Variants in SCN8A observed in about 807,000 individuals in gnomAD.
SCN8A encodes the protein sodium voltage-gated channel alpha subunit 8.
In SCN8A, 30 loss-of-function variants were observed where a neutral mutation model predicts 184.1. The observed-to-expected ratio is 0.16, with a 90% CI of 0.12 to 0.22. SCN8A has a LOEUF of 0.22. Among genes scored for constraint, SCN8A ranks in the 10% least tolerant of loss-of-function variants. The probability of loss-of-function intolerance (pLI) is 1.00; values close to 1 mark genes in which losing one functional copy is unlikely to be tolerated. For synonymous variants in SCN8A, 852 were observed against 907.0 expected, an observed-to-expected ratio of 0.94 and a Z score of 1.09; for missense variants, 1,057 against 2,498.9, an observed-to-expected ratio of 0.42 and a Z score of 12.30.
In SCN8A at chr12:51,621,123, C is replaced by CAGAT. The variant is rs370356575; in HGVS notation, c.-55+29766_-55+29767insATAG. ...CAGGTATTTATCCTTGGTCTCTCCT[C>CAGAT]AGCTGCTTTATAGAGTAATGCAGTA... On this transcript the variant is annotated intron_variant, in intron 1 of 26. Transcript: ENST00000627620. Among the ~76,000 whole-genome samples, 121 of 152,314 alleles carry CAGAT rather than the reference C, an allele frequency of 7.9e-4. 1 individual carries two copies. The highest frequency in any genetic ancestry group is 2.4e-3 in the African/African-American group (100 of 41,580).
At chr12:51,658,462 G>A (rs1940865868) in intron 1 of SCN8A, among the ~76,000 whole-genome samples, 1 of 152,024 alleles carries the variant, frequency 6.6e-6, no homozygotes, top group Non-Finnish European at 1.5e-5. Context: ...CGTTGATTCT[G>A]TACCCTGCAT....
intron 16 of SCN8A, among the ~76,000 whole-genome samples, chr12:51,767,833 A>G (rs867004325): frequency 2.0e-5 from 3 of 152,274 alleles, no homozygotes; most frequent in South Asian, 4.1e-4. Context: ...TCCCCTCTGT[A>G]TGTAGTTAGT....
intron 11 of SCN8A, among the ~76,000 whole-genome samples, chr12:51,714,667 C>A (rs988595933): frequency 6.6e-6 from 1 of 152,146 alleles, no homozygotes; most frequent in Non-Finnish European, 1.5e-5. Flanking sequence ...GGAAATAGAA[C>A]ATGTAAAATC....
chr12:51,773,817 A>G (rs1323709405), intron 19 of SCN8A, among the ~76,000 whole-genome samples: 1 of 152,208 alleles, frequency 6.6e-6, no homozygotes, highest in Non-Finnish European at 1.5e-5. Flanking sequence ...CGTAAGAAGG[A>G]AAATCTAGAG....
chr12:51,629,115 G>A (rs576306126), intron 1 of SCN8A, among the ~76,000 whole-genome samples: 2 of 152,174 alleles, frequency 1.3e-5, no homozygotes, highest in African/African-American at 4.8e-5. Flanking sequence ...GCTCGTAGAG[G>A]CAAATTCTAA....
intron 7 of SCN8A, 89 bp downstream of exon 7, chr12:51,699,880 T>C (rs924000172): frequency 9.2e-6 from 11 of 1,195,818 alleles, no homozygotes; most frequent in East Asian, 2.5e-5. Flanking sequence ...AAAAAAGTAG[T>C]TGGAGGCCGG....
intron 5 of SCN8A, among the ~76,000 whole-genome samples, chr12:51,688,598 A>G (rs776022964): frequency 1.3e-5 from 2 of 152,312 alleles, no homozygotes; most frequent in East Asian, 1.9e-4. Flanking sequence ...TTCTTGTCCA[A>G]TTAAAAACAA....
intron 1 of SCN8A, among the ~76,000 whole-genome samples, chr12:51,599,386 C>T (rs1290499092): frequency 6.6e-6 from 1 of 152,142 alleles, no homozygotes; most frequent in African/African-American, 2.4e-5. Context: ...TGATTAGAGA[C>T]AGGTTGATGG....
intron 1 of SCN8A, among the ~76,000 whole-genome samples, chr12:51,603,106 G>C (rs1458368279): frequency 5.9e-5 from 9 of 151,998 alleles, no homozygotes; most frequent in Non-Finnish European, 7.4e-5. Flanking sequence ...ATGTAACCGT[G>C]CCACAATCAG....
At chr12:51,728,836 A>G (rs1247702899) in intron 12 of SCN8A, among the ~76,000 whole-genome samples, 1 of 151,846 alleles carries the variant, frequency 6.6e-6, no homozygotes, top group Admixed American at 6.6e-5. Flanking sequence ...TCAACCAGAG[A>G]CAGCCAAACA....
chr12:51,737,933 A>G (rs992166935), intron 12 of SCN8A, among the ~76,000 whole-genome samples: 1 of 152,178 alleles, frequency 6.6e-6, no homozygotes, highest in Non-Finnish European at 1.5e-5. Flanking sequence ...TGTTGGCGCT[A>G]TGTGCCCATT....
intron 1 of SCN8A, among the ~76,000 whole-genome samples, chr12:51,619,036 A>G (rs1243488746): frequency 6.6e-6 from 1 of 152,136 alleles, no homozygotes; most frequent in Non-Finnish European, 1.5e-5. Flanking sequence ...CCTGGAGGCA[A>G]CCACTTCCCA....
Position 51,806,637 on chromosome 12 carries a change from C to T in SCN8A, c.5151C>T (p.Arg1717=), listed in dbSNP as rs368067079. 1.5e-5 allele frequency: 25 copies of T among 1,613,964 alleles called. No homozygotes were observed. The highest frequency in any genetic ancestry group is 2.0e-5 in the Non-Finnish European group (24 of 1,179,988). Residue 1717 remains arginine (R), a synonymous_variant, in exon 27 of 27, where the codon CGC becomes CGT. Transcript: ENST00000627620. This position sits in a 1 kb window ranked among gnomAD's most constrained non-coding sequence, Gnocchi z 8.7. ...GCCTGCTGCTGCCCATCCTAAACCG[C>T]CCCCCTGACTGCAGCCTAGATAAGG... is the stretch of plus-strand genomic sequence containing the variant. ...WDGLLLPILN[R]PPDCSLDKEH...
intron 1 of SCN8A, among the ~76,000 whole-genome samples, chr12:51,614,091 G>A (rs1228018244): frequency 6.6e-6 from 1 of 152,012 alleles, no homozygotes; most frequent in African/African-American, 2.4e-5. Context: ...TAGTTTCTCT[G>A]TATCCCTGAT....
intron 1 of SCN8A, among the ~76,000 whole-genome samples, chr12:51,641,981 C>A (rs1023356222): frequency 6.6e-6 from 1 of 152,216 alleles, no homozygotes; most frequent in Non-Finnish European, 1.5e-5. Context: ...ATGCATTGGA[C>A]ATTCTACTAC....
intron 2 of SCN8A, among the ~76,000 whole-genome samples, chr12:51,673,480 G>T (rs1941168379): frequency 6.6e-6 from 1 of 152,154 alleles, no homozygotes; most frequent in Non-Finnish European, 1.5e-5. Context: ...AAGGAGAGAA[G>T]ACTTTTCAAA....
In SCN8A at chr12:51,600,966, A is replaced by G. The variant is rs114023674; in HGVS notation, c.-55+9607A>G. ...AGTAGAGCAGGCACAGTTCATGTAC[A>G]AGATGTTAATAAATTTAGCACTCTA... On this transcript the variant is annotated intron_variant, in intron 1 of 26. Coordinates refer to ENST00000627620, the MANE Select transcript of SCN8A (RefSeq NM_001330260.2). 8.7e-3 allele frequency among the ~76,000 whole-genome samples: 1,329 copies of G among 152,332 alleles called. 26 individuals carry two copies. Among genetic ancestry groups the G allele is most frequent in the African/African-American group, 0.03 (1,244 of 41,560 alleles).
chr12:51,617,856 C>T (rs1565861107), intron 1 of SCN8A, among the ~76,000 whole-genome samples: 1 of 152,158 alleles, frequency 6.6e-6, no homozygotes, highest in South Asian at 2.1e-4. Flanking sequence ...CTGTTTATTC[C>T]AGGTATGTCC....
At chr12:51,752,422 A>C (rs1012583470) in intron 14 of SCN8A, among the ~76,000 whole-genome samples, 1 of 151,560 alleles carries the variant, frequency 6.6e-6, no homozygotes, top group Non-Finnish European at 1.5e-5. Context: ...CCTCTCTCAC[A>C]CACACACACA....
Sources: gnomAD v4.1 joint callset for allele counts (sites outside exome capture counted in the v4.1 genomes callset) on GRCh38, gnomAD v4.1.1 for gene constraint, Gnocchi (gnomAD v3.1) non-coding constraint, MANE v1.5 for transcripts, NCBI Gene and HGNC (gene_info 2026-07-23, HGNC 2026-07-21) for gene names.